MCM2: variants seen among roughly 807,000 people sequenced by gnomAD.
The protein encoded by MCM2 is minichromosome maintenance complex component 2.
MCM2 carries 49 observed loss-of-function variants against 86.4 expected under a neutral mutation model. The ratio of observed to expected loss-of-function variants is 0.57; its 90% CI spans 0.45 to 0.72. MCM2 has a LOEUF of 0.72. MCM2 is among the 30% of genes least tolerant of loss of function. MCM2 has a pLI of 0.00. For synonymous variants in MCM2, 475 were observed against 484.6 expected (o/e 0.98, Z 0.26); for missense variants, 1,038 against 1,259.9 (o/e 0.82, Z 2.67).
intron 8 of MCM2, among the ~76,000 whole-genome samples, chr3:127,612,651 A>G (rs1391782581): frequency 6.6e-6 from 1 of 152,168 alleles, no homozygotes; most frequent in East Asian, 1.9e-4. Context: ...CATTTTACAC[A>G]CATTATCTCA....
At chr3:127,621,507 A>G (rs2074478466) in intron 15 of MCM2, among the ~76,000 whole-genome samples, 156 bp from the exon 16 acceptor site, 1 of 152,172 alleles carries the variant, frequency 6.6e-6, no homozygotes. Context: ...CTTGTACAGC[A>G]GAGATTTGAA....
chr3:127,604,038 C>T (rs2074326126), intron 2 of MCM2, among the ~76,000 whole-genome samples: 1 of 152,220 alleles, frequency 6.6e-6, no homozygotes, highest in South Asian at 2.1e-4. Flanking sequence ...ATCCTCCTGC[C>T]TTCACCTCCC....
chr3:127,599,514 A>G lies in MCM2; in HGVS notation c.203A>G (p.Asp68Gly). 1.2e-6 allele frequency: 2 copies of G among 1,614,036 alleles called. No homozygotes were observed. The highest frequency in any genetic ancestry group is 2.2e-5 in the South Asian group (2 of 91,082). Reference sequence around the variant, plus strand: ...GAGGGGCCCCTGGAGGAAGAAGAGGATGGAGAGGAGCTCATTGGAGATGGC... The same window carrying G: ...GAGGGGCCCCTGGAGGAAGAAGAGGGTGGAGAGGAGCTCATTGGAGATGGC... ...GTEGPLEEEE[D>G]GEELIGDGME... Residue 68 changes from aspartate to glycine, a missense_variant, in exon 2 of 16, where the codon GAT (aspartate) becomes GGT (glycine). By Grantham distance (94) the Asp-to-Gly change is moderately conservative. Transcript: ENST00000265056.
At chr3:127,601,933 G>T (rs1202199923) in intron 2 of MCM2, among the ~76,000 whole-genome samples, 1 of 152,122 alleles carries the variant, frequency 6.6e-6, no homozygotes, top group Non-Finnish European at 1.5e-5. Context: ...TCGTATGCTT[G>T]ATTGGCTATC....
rs1208910253 is a variant in MCM2 at position 127,606,291 on chromosome 3, G to C, written c.847G>C (p.Val283Leu). ...KYDRITNHIH[V>L]RISHLPLVEE... ...CGACCGCATCACCAACCACATCCATGTCCGCATCTCCCACCTGCCTCTGGT... is the reference window on the plus strand; with the variant it reads ...CGACCGCATCACCAACCACATCCATCTCCGCATCTCCCACCTGCCTCTGGT... Residue 283 changes from valine to leucine, a missense_variant, in exon 5 of 16, where the codon GTC (valine) becomes CTC (leucine). By Grantham distance (32) the Val-to-Leu change is conservative. This residue lies in a region of MCM2 where 399 missense variants were observed against 507.2 expected (regional missense o/e 0.79). Coordinates refer to ENST00000265056, the MANE Select transcript of MCM2 (RefSeq NM_004526.4). The surrounding 1 kb of genome is among the most constrained non-coding windows in gnomAD (Gnocchi z 4.2). The C allele has an allele frequency of 6.2e-7, 1 of 1,614,142 alleles. No homozygotes were observed. The highest frequency in any genetic ancestry group is 8.5e-7 in the Non-Finnish European group (1 of 1,180,062).
At chr3:127,610,937 A>G (rs2074390047) in intron 8 of MCM2, 1 of 456,604 alleles carries the variant, frequency 2.2e-6, no homozygotes, top group African/African-American at 2.0e-5. Flanking sequence ...CAGCCAACAC[A>G]CATTGGTTCC....
At chr3:127,598,563 G>A in intron 1 of MCM2, 91 bp downstream of exon 1, 1 of 1,519,466 alleles carries the variant, frequency 6.6e-7, no homozygotes, top group Non-Finnish European at 8.9e-7. Context: ...CCAGGGCGGC[G>A]CTCTGGGTGA....
intron 13 of MCM2, 48 bp from the exon 14 acceptor site, chr3:127,620,650 G>A (rs2074469148): frequency 6.6e-7 from 1 of 1,525,250 alleles, no homozygotes; most frequent in African/African-American, 1.4e-5. Flanking sequence ...TATTTTCCTT[G>A]CTTCTCTTTC....
In MCM2 at chr3:127,608,829, C is replaced by T. The variant is rs745777900; in HGVS notation, c.1237-3C>T. 7 of 1,613,808 alleles carry T rather than the reference C, an allele frequency of 4.3e-6. No homozygotes were observed. The highest frequency in any genetic ancestry group is 5.9e-6 in the Non-Finnish European group (7 of 1,179,740). On this transcript the variant is annotated splice_region_variant and splice_polypyrimidine_tract_variant and intron_variant, in intron 7 of 15. Coordinates refer to ENST00000265056, the MANE Select transcript of MCM2 (RefSeq NM_004526.4). ...TGACTTCTTGGCCCCTCCCTTTCCC[C>T]AGGAGCTGACTGGCATCTATCACAA... is the stretch of plus-strand genomic sequence containing the variant.
At position 127,606,956 on chromosome 3, in the gene MCM2, T is replaced by A; in HGVS notation, c.1101+139T>A. The A allele has an allele frequency of 1.2e-6, 1 of 812,720 alleles. No individual in the cohort carries two copies. The allele number at this position is 812,720 out of a possible 1,614,324, so 50.3% of individuals were successfully genotyped here. A position where few individuals can be genotyped will look rare whatever the true frequency, so the allele number is the denominator to read the frequency against. On this transcript the variant is annotated intron_variant, in intron 6 of 15. Transcript: ENST00000265056. This position sits in a 1 kb window ranked among gnomAD's most constrained non-coding sequence, Gnocchi z 4.2. The stretch of plus-strand genomic sequence containing the variant: ...ATAGAATTGTGTGTTGGCCACACCC[T>A]GGGGTGGACCCAGTCTGTCTGGCCA...
At position 127,606,933 on chromosome 3, in the gene MCM2, A is replaced by G; in HGVS notation, c.1101+116A>G. The G allele has an allele frequency of 1.9e-6, 2 of 1,035,182 alleles. No individual in the cohort carries two copies. Among genetic ancestry groups the G allele is most frequent in the South Asian group, 1.4e-5 (1 of 69,988 alleles). The allele number at this position is 1,035,182 out of a possible 1,614,324, so 64.1% of individuals were successfully genotyped here. A position where few individuals can be genotyped will look rare whatever the true frequency, so the allele number is the denominator to read the frequency against. On this transcript the variant is annotated intron_variant, in intron 6 of 15. Transcript: ENST00000265056. The surrounding 1 kb of genome is among the most constrained non-coding windows in gnomAD (Gnocchi z 4.2). ...TGTGGGCAGCCGCAAGAAGCAAGAT[A>G]GAATTGTGTGTTGGCCACACCCTGG...
intron 2 of MCM2, among the ~76,000 whole-genome samples, chr3:127,600,828 G>T (rs1437581366): frequency 6.7e-6 from 1 of 149,222 alleles, no homozygotes; most frequent in Non-Finnish European, 1.5e-5. Context: ...CTGGGTAGAG[G>T]TATCTGAGGG....
chr3:127,609,206 G>A (rs2074374659), intron 8 of MCM2, among the ~76,000 whole-genome samples, 183 bp downstream of exon 8: 1 of 152,192 alleles, frequency 6.6e-6, no homozygotes, highest in Non-Finnish European at 1.5e-5. Context: ...CATTGGGGAT[G>A]GGTGAACCTG....
At chr3:127,616,782 T>A in intron 9 of MCM2, 86 bp from the exon 10 acceptor site, 1 of 1,425,792 alleles carries the variant, frequency 7.0e-7, no homozygotes, top group African/African-American at 1.4e-5. Context: ...AACAAGTAGG[T>A]TGAGGAATTG....
intron 8 of MCM2, among the ~76,000 whole-genome samples, chr3:127,612,221 T>C (rs796702): frequency 0.011 from 1,701 of 152,348 alleles, 43 homozygotes; most frequent in African/African-American, 0.039. Context: ...GTCAGTTTCA[T>C]GGCCCTGCCT....
intron 13 of MCM2, 50 bp downstream of exon 13, chr3:127,619,328 G>T (rs750024978): frequency 1.3e-6 from 2 of 1,584,296 alleles, no homozygotes; most frequent in South Asian, 2.3e-5. Flanking sequence ...AGGAAGTGCA[G>T]TGTGAGCCTT....
At chr3:127,611,204 T>G (rs1249875575) in intron 8 of MCM2, among the ~76,000 whole-genome samples, 2 of 152,170 alleles carry the variant, frequency 1.3e-5, no homozygotes, top group Non-Finnish European at 2.9e-5. Flanking sequence ...CATCCAGATG[T>G]TTGAGCTAAT....
chr3:127,607,787 T>C (rs1305602930), intron 6 of MCM2, among the ~76,000 whole-genome samples: 1 of 152,100 alleles, frequency 6.6e-6, no homozygotes, highest in Non-Finnish European at 1.5e-5. Context: ...CTTTGCCGAG[T>C]GTTTAGAGAA....
intron 9 of MCM2, 119 bp from the exon 10 acceptor site, chr3:127,616,749 A>G: frequency 8.7e-7 from 1 of 1,148,112 alleles, no homozygotes; most frequent in East Asian, 2.5e-5. Context: ...CCCTTTCTAG[A>G]GGGACTGTGC....
Sources: allele counts gnomAD v4.1 joint callset (sites outside exome capture counted in the v4.1 genomes callset), GRCh38; gene constraint gnomAD v4.1.1; regional missense constraint gnomAD v4.1.1; non-coding constraint Gnocchi (gnomAD v3.1); transcripts MANE v1.5; gene names NCBI Gene and HGNC (gene_info 2026-07-23, HGNC 2026-07-21).